Variants in ZBTB16 observed in about 807,000 individuals in gnomAD.
The protein encoded by ZBTB16 is zinc finger and BTB domain containing 16.
Under a neutral mutation model 56.8 loss-of-function variants are expected in ZBTB16, and 8 were observed. The observed-to-expected ratio is 0.14, with a 90% confidence interval of 0.08 to 0.25. The LOEUF is 0.25. Among genes scored for constraint, ZBTB16 ranks in the 10% least tolerant of loss-of-function variants. The probability of loss-of-function intolerance (pLI) is 1.00; values close to 1 mark genes in which losing one functional copy is unlikely to be tolerated. For missense variants in ZBTB16, 625 were observed against 903.0 expected (o/e 0.69, Z 3.95); for synonymous variants, 363 against 368.5 (o/e 0.98, Z 0.17).
intron 2 of ZBTB16, among the ~76,000 whole-genome samples, chr11:114,065,496 A>C (rs1939080822): frequency 6.6e-6 from 1 of 152,034 alleles, no homozygotes; most frequent in Non-Finnish European, 1.5e-5. Flanking sequence ...TGCTCACCGC[A>C]ACCTCTGCAT....
intron 2 of ZBTB16, among the ~76,000 whole-genome samples, chr11:114,136,991 G>T (rs717676): frequency 0.081 from 12,344 of 152,078 alleles, 605 homozygotes; most frequent in South Asian, 0.11. Flanking sequence ...TTTTCTGGAG[G>T]TCTTTAAAAA....
At chr11:114,077,946 G>A (rs1434921243) in intron 2 of ZBTB16, among the ~76,000 whole-genome samples, 2 of 152,202 alleles carry the variant, frequency 1.3e-5, no homozygotes, top group African/African-American at 4.8e-5. Flanking sequence ...AACAACCTAT[G>A]AGGAGTAGAT....
rs574620325 is a variant in ZBTB16 at position 114,120,105 on chromosome 11, G to A, written c.1269-36232G>A. ...AGTGGAATGAGCCAGGTGGCCTCTT[G>A]GAGCTTTTTCAGGAGGGAAATCTGT... On this transcript the variant is annotated intron_variant, in intron 2 of 6. Coordinates refer to ENST00000335953, the MANE Select transcript of ZBTB16 (RefSeq NM_006006.6). 1.1e-4 allele frequency among the ~76,000 whole-genome samples: 16 copies of A among 152,298 alleles called. 1 individual carries two copies. The South Asian group carries it at 3.3e-3, about 32-fold the overall frequency.
chr11:114,181,333 C>T (rs1422773547), intron 3 of ZBTB16, among the ~76,000 whole-genome samples: 5 of 152,224 alleles, frequency 3.3e-5, no homozygotes, highest in Non-Finnish European at 5.9e-5. Flanking sequence ...TTACTGCTTC[C>T]ATTTTACAGC....
intron 3 of ZBTB16, among the ~76,000 whole-genome samples, chr11:114,172,276 C>A (rs886124807): frequency 9.2e-5 from 14 of 152,188 alleles, no homozygotes; most frequent in Non-Finnish European, 2.1e-4. Context: ...AAAAACTGAA[C>A]ACTTTGCCTT....
At chr11:114,140,076 C>T (rs1941906868) in intron 2 of ZBTB16, among the ~76,000 whole-genome samples, 1 of 152,198 alleles carries the variant, frequency 6.6e-6, no homozygotes, top group Non-Finnish European at 1.5e-5. Context: ...GGTCTAAACT[C>T]ATTATTGAGA....
At chr11:114,112,784 CAG>C (rs1941057745) in intron 2 of ZBTB16, among the ~76,000 whole-genome samples, 5 of 129,884 alleles carry the variant, frequency 3.8e-5, no homozygotes, top group Admixed American at 3.4e-4. Context: ...TTTTTTAAGA[CAG>C]GGTCTCGCAC....
intron 3 of ZBTB16, among the ~76,000 whole-genome samples, chr11:114,165,656 G>T (rs1216987037): frequency 6.6e-6 from 1 of 152,160 alleles, no homozygotes; most frequent in African/African-American, 2.4e-5. Context: ...CCAGGTGTTA[G>T]AGCCTCTCCC....
At position 114,082,116 on chromosome 11, in the gene ZBTB16, CA is replaced by C. The variant is rs55670871; in HGVS notation, c.1268+17564del. 2.9e-3 allele frequency among the ~76,000 whole-genome samples: 401 copies of C among 138,554 alleles called. 11 individuals are homozygous for C. The East Asian group carries it at 0.058, about 20-fold the overall frequency. The allele number at this position is 138,554 out of a possible 152,430, so 90.9% of individuals were successfully genotyped here. ...GGGCAATATAGCGAGACGATCTTTA[CA>C]AAAAAAAAAAAAAAATTAAAAATGC... On this transcript the variant is annotated intron_variant, in intron 2 of 6. Transcript: ENST00000335953.
chr11:114,115,702 T>G (rs1052930679), intron 2 of ZBTB16, among the ~76,000 whole-genome samples: 9 of 152,052 alleles, frequency 5.9e-5, no homozygotes, highest in African/African-American at 2.2e-4. Flanking sequence ...CGTATTAAGG[T>G]TTCATTAATC....
chr11:114,246,248 T>C (rs1000432340), intron 5 of ZBTB16, among the ~76,000 whole-genome samples: 6 of 152,168 alleles, frequency 3.9e-5, no homozygotes, highest in Non-Finnish European at 8.8e-5. Context: ...GCTGGAGGTA[T>C]GGTGGGCAAG....
At chr11:114,157,420 A>G (rs889402442) in intron 3 of ZBTB16, among the ~76,000 whole-genome samples, 14 of 152,230 alleles carry the variant, frequency 9.2e-5, no homozygotes, top group African/African-American at 1.7e-4. Context: ...TAAGTGACAG[A>G]ATATACGTTG....
chr11:114,163,009 G>A (rs73002832), intron 3 of ZBTB16, among the ~76,000 whole-genome samples: 4 of 152,256 alleles, frequency 2.6e-5, no homozygotes, highest in Non-Finnish European at 5.9e-5. Flanking sequence ...TTGCAGATGC[G>A]CCTCCAAGAA....
Position 114,250,648 on chromosome 11 carries a change from A to AC in ZBTB16, c.*93_*94insC. 9.5e-6 allele frequency: 13 copies of AC among 1,368,058 alleles called. No homozygotes were observed. The highest frequency in any genetic ancestry group is 2.2e-5 in the Admixed American group (1 of 44,790). 84.7% of individuals were successfully genotyped at this position (1,368,058 alleles called of 1,614,324 possible). On this transcript the variant is annotated 3_prime_UTR_variant, in exon 7 of 7. Coordinates refer to ENST00000335953, the MANE Select transcript of ZBTB16 (RefSeq NM_006006.6). The surrounding 1 kb of genome is among the most constrained non-coding windows in gnomAD (Gnocchi z 6.0). ...GGACTATGACAAATAAAAAAGGAAA[A>AC]GAAAAAAAAAAACAGAAGGAAAAGG...
intron 2 of ZBTB16, among the ~76,000 whole-genome samples, chr11:114,074,078 A>C (rs1348545181): frequency 6.6e-6 from 1 of 152,118 alleles, no homozygotes; most frequent in Non-Finnish European, 1.5e-5. Context: ...GTTAGCCCCT[A>C]CCTCTCAATG....
At chr11:114,105,801 C>A (rs1940769456) in intron 2 of ZBTB16, among the ~76,000 whole-genome samples, 1 of 152,110 alleles carries the variant, frequency 6.6e-6, no homozygotes, top group East Asian at 1.9e-4. Context: ...ACCGAGGGTA[C>A]CATAAAAGAG....
At chr11:114,249,793 A>G (rs1483474434) in intron 6 of ZBTB16, among the ~76,000 whole-genome samples, 1 of 144,228 alleles carries the variant, frequency 6.9e-6, no homozygotes, top group Non-Finnish European at 1.5e-5. Context: ...AAAAAAAGAG[A>G]GCTTTAGCAG....
At chr11:114,133,680 A>G (rs1303729766) in intron 2 of ZBTB16, among the ~76,000 whole-genome samples, 2 of 152,086 alleles carry the variant, frequency 1.3e-5, no homozygotes, top group African/African-American at 2.4e-5. Flanking sequence ...CTGGTTTACT[A>G]GATCAGGGAC....
intron 3 of ZBTB16, 145 bp downstream of exon 3, chr11:114,156,579 C>T (rs113500641): frequency 1.3e-6 from 1 of 784,316 alleles, no homozygotes; most frequent in African/African-American, 1.7e-5. Flanking sequence ...ACCCTCCCTC[C>T]AGGCTTATGA....
Sources: gnomAD v4.1 joint callset for allele counts (sites outside exome capture counted in the v4.1 genomes callset) on GRCh38, gnomAD v4.1.1 for gene constraint, Gnocchi (gnomAD v3.1) non-coding constraint, MANE v1.5 for transcripts, NCBI Gene and HGNC (gene_info 2026-07-23, HGNC 2026-07-21) for gene names.